The following TTC7A variants were observed in gnomAD, a reference collection of about 807,000 sequenced individuals.
The protein encoded by TTC7A is tetratricopeptide repeat domain 7A, also known as tetratricopeptide repeat protein 7A.
A neutral mutation model predicts 103.7 loss-of-function variants in TTC7A; 110 were observed. The observed-to-expected ratio is 1.06, with a 90% CI of 0.91 to 1.24. The LOEUF is 1.24. TTC7A is among the 50% of genes most tolerant of loss of function. TTC7A has a pLI of 0.00. For synonymous variants in TTC7A, 521 were observed against 467.9 expected, an observed-to-expected ratio of 1.11 and a Z score of -1.47; for missense variants, 1,340 against 1,116.3, an observed-to-expected ratio of 1.20 and a Z score of -2.86.
chr2:46,981,711 G>C (rs891755986), intron 5 of TTC7A, among the ~76,000 whole-genome samples: 1 of 152,230 alleles, frequency 6.6e-6, no homozygotes, highest in African/African-American at 2.4e-5. Context: ...GGTGCTCTGG[G>C]ACTGCCAGGG....
At chr2:46,993,714 C>G (rs1302294574) in intron 6 of TTC7A, among the ~76,000 whole-genome samples, 186 bp downstream of exon 6, 1 of 152,204 alleles carries the variant, frequency 6.6e-6, no homozygotes, top group Non-Finnish European at 1.5e-5. Flanking sequence ...CTCTTTCCCC[C>G]CGCGGCATTG....
At chr2:47,014,109 G>T (rs951482408) in intron 11 of TTC7A, among the ~76,000 whole-genome samples, 1 of 152,176 alleles carries the variant, frequency 6.6e-6, no homozygotes, top group Non-Finnish European at 1.5e-5. Context: ...TCGCTGGATG[G>T]ATCCTTCTTG....
intron 2 of TTC7A, among the ~76,000 whole-genome samples, chr2:46,926,388 T>C (rs745738578): frequency 3.9e-5 from 6 of 152,050 alleles, no homozygotes; most frequent in Non-Finnish European, 8.8e-5. Flanking sequence ...TAAAATAATA[T>C]GGTAAATGGT....
At chr2:46,942,407 C>A (rs1012829971) in intron 1 of TTC7A, among the ~76,000 whole-genome samples, 2 of 152,148 alleles carry the variant, frequency 1.3e-5, no homozygotes, top group African/African-American at 4.8e-5. Flanking sequence ...TTCAGCTTAC[C>A]CTCCCTGAGT....
At chr2:47,045,187 C>T (rs1250075671) in intron 15 of TTC7A, among the ~76,000 whole-genome samples, 14 of 152,290 alleles carry the variant, frequency 9.2e-5, no homozygotes, top group East Asian at 1.9e-4. Context: ...TCAAACTCTT[C>T]GCAGGCTGCC....
chr2:47,073,196 C>T (rs1684921675), intron 19 of TTC7A, among the ~76,000 whole-genome samples: 1 of 152,188 alleles, frequency 6.6e-6, no homozygotes, highest in Non-Finnish European at 1.5e-5. Flanking sequence ...TCTCTGCGTC[C>T]CTGGAGTGAA....
At chr2:46,944,430 A>G (rs72806519) in intron 1 of TTC7A, among the ~76,000 whole-genome samples, 295 of 118,434 alleles carry the variant, frequency 2.5e-3, no homozygotes, top group Middle Eastern at 7.4e-3. Flanking sequence ...CCCAGACTGG[A>G]GTTCAGTGGT....
At chr2:47,040,194 C>G (rs920643372) in intron 15 of TTC7A, among the ~76,000 whole-genome samples, 2 of 152,210 alleles carry the variant, frequency 1.3e-5, no homozygotes, top group Non-Finnish European at 2.9e-5. Context: ...ACTGGGCTCC[C>G]CGCCCAGACC....
At chr2:46,989,022 G>C (rs970280361) in intron 5 of TTC7A, among the ~76,000 whole-genome samples, 1 of 152,166 alleles carries the variant, frequency 6.6e-6, no homozygotes, top group Non-Finnish European at 1.5e-5. Flanking sequence ...TCCCTCACCA[G>C]CCTCATTAGA....
chr2:46,949,949 A>G (rs1671264033), intron 1 of TTC7A, among the ~76,000 whole-genome samples: 1 of 152,244 alleles, frequency 6.6e-6, no homozygotes, highest in African/African-American at 2.4e-5. Context: ...AGGAGCATGT[A>G]AAAGTACATT....
rs201897539 is a variant in TTC7A, at chr2:47,049,955, A to G, written c.1926A>G (p.Leu642=). 1.2e-6 allele frequency: 2 copies of G among 1,613,916 alleles called. No individual in the cohort carries two copies. The highest frequency in any genetic ancestry group is 2.7e-5 in the African/African-American group (2 of 74,906). The change falls in exon 17 of 20, where the codon CTA becomes CTG. Residue 642 remains leucine, a synonymous_variant. Transcript: ENST00000319190. ...TLYSFSQLGG[L]EKDGSFGEGL... ...GCCCTCTTTTGCCTTCCAGAGGCCT[A>G]GAAAAGGATGGCAGCTTCGGTGAGG...
At chr2:47,011,516 A>T (rs962384229) in intron 11 of TTC7A, 81 bp downstream of exon 11, 2 of 1,111,006 alleles carry the variant, frequency 1.8e-6, no homozygotes, top group East Asian at 5.2e-5. Context: ...CTTGACGTGT[A>T]TGTGTGGGTG....
intron 11 of TTC7A, among the ~76,000 whole-genome samples, 163 bp downstream of exon 11, chr2:47,011,598 T>A (rs1486982419): frequency 6.6e-6 from 1 of 152,214 alleles, no homozygotes; most frequent in Non-Finnish European, 1.5e-5. Flanking sequence ...TCTGAGGAGC[T>A]GCCAGCCTCC....
chr2:46,994,185 G>C, intron 6 of TTC7A, 172 bp from the exon 7 acceptor site: 5 of 702,452 alleles, frequency 7.1e-6, no homozygotes, highest in Admixed American at 2.5e-5. Context: ...GCCAGTGTTG[G>C]AGGGACTGAA....
intron 4 of TTC7A, among the ~76,000 whole-genome samples, chr2:46,977,567 G>A (rs894921129): frequency 2.0e-5 from 3 of 152,146 alleles, no homozygotes; most frequent in Non-Finnish European, 2.9e-5. Flanking sequence ...ATGTTCTGAC[G>A]TTCCATGCTT....
chr2:46,952,942 T>C (rs959730942), intron 2 of TTC7A, among the ~76,000 whole-genome samples: 3 of 152,238 alleles, frequency 2.0e-5, no homozygotes, highest in African/African-American at 7.2e-5. Flanking sequence ...AAGTTTTATT[T>C]AGAGCTTTCT....
In TTC7A at chr2:46,941,814, G is replaced by C. The variant is rs915789169; in HGVS notation, c.184+89G>C. 17 of 1,494,954 alleles carry C rather than the reference G, an allele frequency of 1.1e-5. No homozygotes were observed. The highest frequency in any genetic ancestry group is 2.3e-4 in the Middle Eastern group (1 of 4,272). The allele number at this position is 1,494,954 out of a possible 1,614,324, so 92.6% of individuals were successfully genotyped here. A position where few individuals can be genotyped will look rare whatever the true frequency, so the allele number is the denominator to read the frequency against. On this transcript the variant is annotated intron_variant, in intron 1 of 19. Transcript: ENST00000319190. This position sits in a 1 kb window ranked among gnomAD's most constrained non-coding sequence, Gnocchi z 4.2. ...AAGCGCGCCCAGACAGTCCTCGGCC[G>C]ACAGCGGGCGCCTGCCAGCCCACCG...
chr2:47,073,906 A>T lies in TTC7A; in HGVS notation c.2560A>T (p.Ile854Phe). The T allele has an allele frequency of 1.9e-6, 3 of 1,612,266 alleles. No individual in the cohort carries two copies. The highest frequency in any genetic ancestry group is 2.5e-6 in the Non-Finnish European group (3 of 1,179,596). The change falls in exon 20 of 20, where the codon ATC becomes TTC. Residue 854 changes from isoleucine to phenylalanine, a missense_variant. Ile to Phe is a conservative substitution (Grantham distance 21). Coordinates refer to ENST00000319190, the MANE Select transcript of TTC7A (RefSeq NM_020458.4). ...ASSPVLPFSI[I>F]PREL The stretch of plus-strand genomic sequence containing the variant: ...CAGCCCTGTACTGCCCTTCTCCATC[A>T]TCCCCAGAGAGCTCTGACGACGCTG...
chr2:46,954,735 A>T (rs1344349481), intron 2 of TTC7A, among the ~76,000 whole-genome samples: 3 of 151,594 alleles, frequency 2.0e-5, no homozygotes, highest in Non-Finnish European at 4.4e-5. Flanking sequence ...CCACGCCCGG[A>T]TAATTTTTGT....
Sources: gnomAD v4.1 joint callset for allele counts (sites outside exome capture counted in the v4.1 genomes callset) on GRCh38, gnomAD v4.1.1 for gene constraint, Gnocchi (gnomAD v3.1) non-coding constraint, MANE v1.5 for transcripts, NCBI Gene and HGNC (gene_info 2026-07-23, HGNC 2026-07-21) for gene names.